ELAVL4: variants seen among roughly 807,000 people sequenced by gnomAD.
ELAVL4 encodes the protein ELAV like RNA binding protein 4.
In ELAVL4, 1 loss-of-function variant was observed where a neutral mutation model predicts 35.6. That is an observed-to-expected ratio of 0.03 (90% confidence interval 0.01 to 0.13). ELAVL4 has a LOEUF of 0.13. Ranked by LOEUF, ELAVL4 falls within the 10% of genes least tolerant of loss-of-function variation. ELAVL4 has a pLI of 1.00. For missense variants in ELAVL4, 267 were observed against 464.9 expected (o/e 0.57, Z 3.91); for synonymous variants, 156 against 171.0 (o/e 0.91, Z 0.69).
intron 1 of ELAVL4, among the ~76,000 whole-genome samples, chr1:50,114,778 G>T (rs1667670264): frequency 6.6e-6 from 1 of 151,996 alleles, no homozygotes; most frequent in African/African-American, 2.4e-5. Context: ...TTTGTTTGTT[G>T]TTTACTTCAT....
intron 1 of ELAVL4, among the ~76,000 whole-genome samples, chr1:50,138,253 T>C (rs1483601819): frequency 2.0e-5 from 3 of 152,124 alleles, no homozygotes; most frequent in Admixed American, 2.0e-4. Context: ...GCTCCAAAAA[T>C]GCTGCAGGTT....
At chr1:50,157,957 G>T (rs1423412407) in intron 2 of ELAVL4, among the ~76,000 whole-genome samples, 1 of 152,118 alleles carries the variant, frequency 6.6e-6, no homozygotes, top group Non-Finnish European at 1.5e-5. Context: ...AATATTTTAG[G>T]CCTAAGCTAA....
intron 1 of ELAVL4, among the ~76,000 whole-genome samples, chr1:50,061,494 T>C (rs2148477688): frequency 6.6e-6 from 1 of 152,336 alleles, no homozygotes; most frequent in South Asian, 2.1e-4. Flanking sequence ...CCTTAAATAA[T>C]GCATACTAAA....
intron 1 of ELAVL4, among the ~76,000 whole-genome samples, chr1:50,137,514 G>GGGAA (rs377587809): frequency 2.4e-4 from 36 of 151,482 alleles, no homozygotes; most frequent in African/African-American, 5.6e-4. Flanking sequence ...TCAAAAAAAA[G>GGGAA]GGAAGGAAGG....
intron 1 of ELAVL4, among the ~76,000 whole-genome samples, chr1:50,097,523 T>C (rs1311429306): frequency 6.6e-6 from 1 of 152,192 alleles, no homozygotes; most frequent in African/African-American, 2.4e-5. Context: ...AGAGGAGAAG[T>C]GGTTTGCCTG....
upstream of ELAVL4, among the ~76,000 whole-genome samples, chr1:50,099,412 T>TAG (rs1292296578): frequency 5.9e-5 from 9 of 151,772 alleles, no homozygotes; most frequent in East Asian, 1.2e-3. Context: ...AATACAAAAT[T>TAG]AGCCGGGCAT....
At chr1:50,053,706 G>GT (rs1463216155) in intron 1 of ELAVL4, among the ~76,000 whole-genome samples, 1 of 152,144 alleles carries the variant, frequency 6.6e-6, no homozygotes, top group Non-Finnish European at 1.5e-5. Flanking sequence ...TGTTTAGGAT[G>GT]TATCAGTGAA....
At chr1:50,146,167 T>A (rs200625199) in intron 2 of ELAVL4, among the ~76,000 whole-genome samples, 96 of 143,934 alleles carry the variant, frequency 6.7e-4, no homozygotes, top group East Asian at 4.0e-3. Context: ...TTTTTTTTTT[T>A]AAAAAGGAAG....
At chr1:50,164,048 A>G (rs1677297151) in intron 2 of ELAVL4, among the ~76,000 whole-genome samples, 1 of 152,126 alleles carries the variant, frequency 6.6e-6, no homozygotes, top group African/African-American at 2.4e-5. Flanking sequence ...CCTTTAGTAA[A>G]ACAGATATCA....
intron 1 of ELAVL4, among the ~76,000 whole-genome samples, chr1:50,078,826 C>G (rs1283335237): frequency 1.3e-5 from 2 of 152,154 alleles, no homozygotes; most frequent in East Asian, 3.9e-4. Context: ...TCTCCATTCC[C>G]GTGCCTATCA....
At chr1:50,118,142 C>T (rs1016239304) in intron 1 of ELAVL4, among the ~76,000 whole-genome samples, 5 of 152,068 alleles carry the variant, frequency 3.3e-5, no homozygotes, top group Non-Finnish European at 5.9e-5. Flanking sequence ...CCCATCTTTG[C>T]TGTCTGTATA....
upstream of ELAVL4, among the ~76,000 whole-genome samples, chr1:50,108,601 C>T (rs1666567264): frequency 6.6e-6 from 1 of 152,082 alleles, no homozygotes; most frequent in Admixed American, 6.6e-5. Context: ...AGGACCCTCC[C>T]ACTGTTAGTT....
intron 1 of ELAVL4, among the ~76,000 whole-genome samples, chr1:50,070,179 A>G (rs1302797045): frequency 6.6e-6 from 1 of 152,242 alleles, no homozygotes; most frequent in African/African-American, 2.4e-5. Context: ...GATGTAAATA[A>G]TGAACACTGG....
chr1:50,195,505 G>A, intron 4 of ELAVL4, 56 bp from the exon 5 acceptor site: 1 of 1,588,820 alleles, frequency 6.3e-7, no homozygotes, highest in Non-Finnish European at 8.6e-7. Context: ...TCTTCCCAAA[G>A]ATGTTTACCA....
At chr1:50,050,677 T>G in intron 1 of ELAVL4, among the ~76,000 whole-genome samples, 1 of 152,178 alleles carries the variant, frequency 6.6e-6, no homozygotes. Context: ...GTGCCAAGAT[T>G]ATATTTAATT....
intron 2 of ELAVL4, among the ~76,000 whole-genome samples, chr1:50,172,668 C>T (rs945840733): frequency 2.0e-5 from 3 of 152,184 alleles, no homozygotes; most frequent in African/African-American, 7.2e-5. Context: ...TTGCCCTATA[C>T]ATAAAAAAGT....
intron 1 of ELAVL4, among the ~76,000 whole-genome samples, chr1:50,129,038 G>A (rs1190813113): frequency 6.6e-6 from 1 of 152,074 alleles, no homozygotes; most frequent in Admixed American, 6.6e-5. Flanking sequence ...GGTGGTGAGT[G>A]TGAACGTACT....
At chr1:50,103,881 G>A (rs1319574328), upstream of ELAVL4, 19 of 1,600,908 alleles carry the variant, frequency 1.2e-5, no homozygotes, top group Non-Finnish European at 1.4e-5. Context: ...AGCTGTGTTC[G>A]GAGGGACTGG....
In ELAVL4 at chr1:50,202,463, A is replaced by G. The variant is rs1364141906; in HGVS notation, c.*1285A>G. The G allele has an allele frequency of 5.3e-5, 8 of 152,200 alleles. No individual in the cohort carries two copies. The highest frequency in any genetic ancestry group is 7.4e-5 in the Non-Finnish European group (5 of 68,020). 9.4% of individuals were successfully genotyped at this position (152,200 alleles called of 1,614,324 possible). ...AATTTTCAAATTCACTTTGTAGCCC[A>G]TGCTGATAGAATTGGGCTGTGTTGG... On this transcript the variant is annotated 3_prime_UTR_variant, in exon 7 of 7. Coordinates refer to ENST00000371824, the MANE Select transcript of ELAVL4 (RefSeq NM_001144774.3).
Sources: allele counts gnomAD v4.1 joint callset (sites outside exome capture counted in the v4.1 genomes callset), GRCh38; gene constraint gnomAD v4.1.1; transcripts MANE v1.5; gene names NCBI Gene and HGNC (gene_info 2026-07-23, HGNC 2026-07-21).